BMAL2: variants seen among roughly 807,000 people sequenced by gnomAD.
BMAL2 encodes the protein basic helix-loop-helix ARNT like 2.
the BMAL2 span, chr12:27,401,689 A>T: frequency 6.5e-7 from 1 of 1,545,630 alleles, no homozygotes; most frequent in Non-Finnish European, 8.8e-7. Context: ...GTAATTTTTT[A>T]TGTTAAGACC....
At chr12:27,416,277 A>G in the BMAL2 span, among the ~76,000 whole-genome samples, 1 of 152,196 alleles carries the variant, frequency 6.6e-6, no homozygotes, top group South Asian at 2.1e-4. Flanking sequence ...GCTTAAATAC[A>G]TAAACAAAAA....
the BMAL2 span, chr12:27,401,650 T>G: frequency 1.9e-6 from 3 of 1,603,126 alleles, no homozygotes; most frequent in African/African-American, 1.3e-5. Flanking sequence ...CTGGAATATA[T>G]TGTATCTGTC....
chr12:27,358,497 T>C, the BMAL2 span, among the ~76,000 whole-genome samples: 3 of 152,148 alleles, frequency 2.0e-5, no homozygotes, highest in African/African-American at 7.2e-5. Context: ...TTAAAGGGCA[T>C]TTTCTGTATT....
the BMAL2 span, among the ~76,000 whole-genome samples, chr12:27,372,519 C>T: frequency 1.3e-5 from 2 of 152,088 alleles, no homozygotes; most frequent in African/African-American, 4.8e-5. Flanking sequence ...CAGATACATG[C>T]CTAGGAGAGA....
chr12:27,391,609 C>A, the BMAL2 span, among the ~76,000 whole-genome samples: 1 of 152,310 alleles, frequency 6.6e-6, no homozygotes, highest in Admixed American at 6.5e-5. Context: ...TTTGAGAAAA[C>A]CCTAAACTGC....
chr12:27,391,832 C>G, the BMAL2 span, among the ~76,000 whole-genome samples: 5 of 152,154 alleles, frequency 3.3e-5, no homozygotes, highest in Non-Finnish European at 2.9e-5. Context: ...TCAGGGGGAT[C>G]TGTTTGAGGG....
At chr12:27,387,115 T>C in the BMAL2 span, 1 of 711,130 alleles carries the variant, frequency 1.4e-6, no homozygotes, top group Non-Finnish European at 2.4e-6. Flanking sequence ...ATGACTACTC[T>C]GTTAGTTTTA....
the BMAL2 span, among the ~76,000 whole-genome samples, chr12:27,396,602 GCCTGCTGT>G: frequency 6.6e-6 from 1 of 152,150 alleles, no homozygotes; most frequent in Non-Finnish European, 1.5e-5. Context: ...GGGAGTGGGC[GCCTGCTGT>G]AGGAATGTGT....
the BMAL2 span, among the ~76,000 whole-genome samples, chr12:27,398,948 T>G: frequency 6.6e-6 from 1 of 152,216 alleles, no homozygotes; most frequent in Non-Finnish European, 1.5e-5. Flanking sequence ...CTTTGAGGCA[T>G]CTGGGTTGTT....
the BMAL2 span, chr12:27,403,542 G>T: frequency 3.2e-6 from 5 of 1,552,742 alleles, no homozygotes; most frequent in Non-Finnish European, 3.5e-6. Flanking sequence ...ATTTACAGAG[G>T]TAATGTTTTA....
the BMAL2 span, among the ~76,000 whole-genome samples, chr12:27,417,277 T>C: frequency 2.3e-4 from 35 of 152,318 alleles, no homozygotes; most frequent in African/African-American, 7.7e-4. Context: ...GTAACAGCAT[T>C]TGGTTTAATG....
At chr12:27,400,676 A>G in the BMAL2 span, 2 of 1,614,048 alleles carry the variant, frequency 1.2e-6, no homozygotes, top group Non-Finnish European at 8.5e-7. Flanking sequence ...GATTACAGCC[A>G]TATATTGTTC....
chr12:27,373,196 AAGGG>A, the BMAL2 span, among the ~76,000 whole-genome samples: 4 of 152,244 alleles, frequency 2.6e-5, no homozygotes, highest in Middle Eastern at 3.4e-3. Flanking sequence ...CAGGGAAAGG[AAGGG>A]ACATATGACA....
the BMAL2 span, among the ~76,000 whole-genome samples, chr12:27,348,110 TC>T: frequency 6.6e-6 from 1 of 152,204 alleles, no homozygotes; most frequent in Admixed American, 6.5e-5. Context: ...CCAGATTAGT[TC>T]AGTTTTCCCA....
At chr12:27,357,290 T>A in the BMAL2 span, among the ~76,000 whole-genome samples, 1 of 152,112 alleles carries the variant, frequency 6.6e-6, no homozygotes, top group Non-Finnish European at 1.5e-5. Flanking sequence ...AATAAAATAC[T>A]TAGGAATATA....
At chr12:27,422,641 G>C in the BMAL2 span, 2 of 152,262 alleles carry the variant, frequency 1.3e-5, no homozygotes, top group Non-Finnish European at 2.9e-5. Flanking sequence ...AATCCTACAA[G>C]ATGGGGAGAA....
At chr12:27,420,397 T>C in the BMAL2 span, 1 of 1,614,034 alleles carries the variant, frequency 6.2e-7, no homozygotes, top group South Asian at 1.1e-5. Flanking sequence ...AATTCATAGG[T>C]GATGGTGCAC....
At chr12:27,399,549 G>T in the BMAL2 span, among the ~76,000 whole-genome samples, 1 of 152,164 alleles carries the variant, frequency 6.6e-6, no homozygotes, top group African/African-American at 2.4e-5. Flanking sequence ...AACAGACTGT[G>T]ACACATAAAG....
At chr12:27,378,612 G>C in the BMAL2 span, among the ~76,000 whole-genome samples, 4 of 152,224 alleles carry the variant, frequency 2.6e-5, no homozygotes, top group African/African-American at 9.6e-5. Flanking sequence ...ACATGAGGCA[G>C]ATCAGGGAGA....
Sources: gnomAD v4.1 joint callset for allele counts (sites outside exome capture counted in the v4.1 genomes callset) on GRCh38, gnomAD v4.1.1 for gene constraint, MANE v1.5 for transcripts, NCBI Gene and HGNC (gene_info 2026-07-23, HGNC 2026-07-21) for gene names.